CEP70: variants seen among roughly 807,000 people sequenced by gnomAD.
CEP70 encodes the protein centrosomal protein of 70 kDa.
In CEP70, 70 loss-of-function variants were observed where a neutral mutation model predicts 90.9. The observed-to-expected ratio is 0.77, with a 90% CI of 0.64 to 0.94. The LOEUF (loss-of-function observed/expected upper bound fraction) is 0.94, where lower values mean the gene tolerates loss of function less well. Ranked by LOEUF, CEP70 falls within the 40% of genes least tolerant of loss-of-function variation. The probability of loss-of-function intolerance (pLI) is 0.00; values close to 1 mark genes in which losing one functional copy is unlikely to be tolerated. For synonymous variants in CEP70, 220 were observed against 228.3 expected (o/e 0.96, Z 0.33); for missense variants, 648 against 669.0 (o/e 0.97, Z 0.35).
chr3:138,509,309 T>C (rs1297701101), intron 11 of CEP70, among the ~76,000 whole-genome samples: 2 of 152,168 alleles, frequency 1.3e-5, no homozygotes, highest in African/African-American at 2.4e-5. Context: ...CAGGAACAGC[T>C]AGACGTTTGG....
Position 138,529,282 on chromosome 3 carries a change from T to C in CEP70, c.786A>G (p.Leu262=), listed in dbSNP as rs770435751. 1 of 1,601,794 alleles carries C rather than the reference T, an allele frequency of 6.2e-7. No individual in the cohort carries two copies. The highest frequency in any genetic ancestry group is 8.5e-7 in the Non-Finnish European group (1 of 1,172,402). Reference sequence around the variant, plus strand: ...ATTTTGATTCCTTGAGTTGATTCTGTAATGACTGCAACACATTTCATAGAA... The same window carrying C: ...ATTTTGATTCCTTGAGTTGATTCTGCAATGACTGCAACACATTTCATAGAA... ...SPTYKGLLMS[L]QNQLKESKSK... Residue 262 remains leucine, a synonymous_variant, in exon 10 of 18, where the codon TTA becomes TTG. Transcript: ENST00000264982.
At chr3:138,549,372 G>T (rs2039454725) in intron 6 of CEP70, among the ~76,000 whole-genome samples, 1 of 151,830 alleles carries the variant, frequency 6.6e-6, no homozygotes, top group African/African-American at 2.4e-5. Flanking sequence ...GCGGGTAGTG[G>T]GCATGATGGG....
Position 138,559,088 on chromosome 3 carries a change from G to C in CEP70, c.465+11230C>G, listed in dbSNP as rs184504218. Among the ~76,000 whole-genome samples, 542 of 152,178 alleles carry C rather than the reference G, an allele frequency of 3.6e-3. 5 individuals carry two copies. Among genetic ancestry groups the C allele is most frequent in the African/African-American group, 0.012 (515 of 41,528 alleles). On this transcript the variant is annotated intron_variant, in intron 6 of 17. Coordinates refer to ENST00000264982, the MANE Select transcript of CEP70 (RefSeq NM_024491.4). The stretch of plus-strand genomic sequence containing the variant: ...TTAATATATTCAGAGACACAAAACA[G>C]ATAATTTCAGCAGAAAGCTGGAAAC...
intron 3 of CEP70, among the ~76,000 whole-genome samples, chr3:138,572,529 T>C (rs2041246550): frequency 6.6e-6 from 1 of 152,230 alleles, no homozygotes; most frequent in African/African-American, 2.4e-5. Context: ...TGTTTCCTGA[T>C]ACCTCTTACA....
At chr3:138,583,461 C>A (rs1457888445) in intron 2 of CEP70, among the ~76,000 whole-genome samples, 1 of 152,108 alleles carries the variant, frequency 6.6e-6, no homozygotes, top group Non-Finnish European at 1.5e-5. Context: ...ATGGACCTAA[C>A]AGATATTTAC....
chr3:138,580,621 A>G (rs559986225), intron 2 of CEP70, among the ~76,000 whole-genome samples: 1 of 152,180 alleles, frequency 6.6e-6, no homozygotes, highest in East Asian at 1.9e-4. Flanking sequence ...GACACCAACA[A>G]ACATCTACAA....
chr3:138,587,548 T>A (rs1361102014), intron 2 of CEP70, among the ~76,000 whole-genome samples: 1 of 149,108 alleles, frequency 6.7e-6, no homozygotes, highest in East Asian at 2.0e-4. Context: ...TCTGGGAGGC[T>A]GAGGCAGGAG....
rs180697755 is a variant in CEP70, at chr3:138,569,171, C to T, written c.465+1147G>A. 2.9e-3 allele frequency among the ~76,000 whole-genome samples: 440 copies of T among 152,260 alleles called. 4 individuals carry two copies. Among genetic ancestry groups the T allele is most frequent in the African/African-American group, 0.01 (424 of 41,544 alleles). ...AGCACCAACTGCCTCTGTCCTCATA[C>T]TAGAGCCCCCTAGTATCTCTGATTA... On this transcript the variant is annotated intron_variant, in intron 6 of 17. Coordinates refer to ENST00000264982, the MANE Select transcript of CEP70 (RefSeq NM_024491.4).
chr3:138,591,988 C>G (rs542884718), intron 1 of CEP70, 32 bp from the exon 2 acceptor site: 2 of 731,382 alleles, frequency 2.7e-6, no homozygotes, highest in Non-Finnish European at 4.3e-6. Flanking sequence ...AGAACAAAAT[C>G]TTGAAATGTT....
chr3:138,550,928 A>C (rs1385009294), intron 6 of CEP70, among the ~76,000 whole-genome samples: 1 of 152,236 alleles, frequency 6.6e-6, no homozygotes, highest in Non-Finnish European at 1.5e-5. Flanking sequence ...AGAGAAATCT[A>C]AAAGTTTGGA....
At chr3:138,587,470 A>G (rs895013433) in intron 2 of CEP70, among the ~76,000 whole-genome samples, 2 of 152,106 alleles carry the variant, frequency 1.3e-5, no homozygotes, top group Non-Finnish European at 2.9e-5. Context: ...CAAAAGATCT[A>G]TAAAAGACAA....
chr3:138,562,287 T>C lies in CEP70; in HGVS notation c.465+8031A>G, dbSNP rs190519786. ...CCAAGTTGGAAAACACTCTTTAGGATACTATCCAGTAGAACTTCCCTAACC... is the reference window on the plus strand; with the variant it reads ...CCAAGTTGGAAAACACTCTTTAGGACACTATCCAGTAGAACTTCCCTAACC... On this transcript the variant is annotated intron_variant, in intron 6 of 17. Transcript: ENST00000264982. Among the ~76,000 whole-genome samples, 204 of 152,300 alleles carry C rather than the reference T, an allele frequency of 1.3e-3. 2 individuals carry two copies. The highest frequency in any genetic ancestry group is 0.013 in the Admixed American group (204 of 15,288).
chr3:138,499,839 TCACACACACAC>T, intron 16 of CEP70: 2 of 315,778 alleles, frequency 6.3e-6, no homozygotes, highest in South Asian at 3.9e-5. Context: ...GTGCTTACAG[TCACACACACAC>T]ACAAAAGATG....
chr3:138,593,130 G>C (rs2042466385), intron 1 of CEP70: 1 of 152,242 alleles, frequency 6.6e-6, no homozygotes, highest in Admixed American at 6.5e-5. Context: ...AGGCGGGGCA[G>C]GGGAGGCCAG....
chr3:138,576,325 T>C (rs912024899), intron 2 of CEP70, among the ~76,000 whole-genome samples: 1 of 152,146 alleles, frequency 6.6e-6, no homozygotes, highest in Non-Finnish European at 1.5e-5. Flanking sequence ...AAACAGACTT[T>C]AAACCAGCAA....
chr3:138,538,127 A>T (rs560747340), intron 6 of CEP70, among the ~76,000 whole-genome samples: 1 of 152,326 alleles, frequency 6.6e-6, no homozygotes, highest in South Asian at 2.1e-4. Flanking sequence ...TTGCAGGAGA[A>T]CTGTTCCTGC....
intron 16 of CEP70, among the ~76,000 whole-genome samples, chr3:138,499,195 A>G (rs995354302): frequency 2.6e-5 from 4 of 152,208 alleles, no homozygotes; most frequent in Admixed American, 2.0e-4. Flanking sequence ...CTTGCAAAAC[A>G]TATGGTTTAT....
At chr3:138,497,024 C>G (rs1048077310) in intron 17 of CEP70, 37 of 997,132 alleles carry the variant, frequency 3.7e-5, no homozygotes, top group Non-Finnish European at 4.4e-5. Flanking sequence ...AAACCAGGCT[C>G]TTCAGGATAT....
intron 6 of CEP70, among the ~76,000 whole-genome samples, chr3:138,544,683 A>G (rs1219217473): frequency 6.6e-6 from 1 of 152,200 alleles, no homozygotes; most frequent in Non-Finnish European, 1.5e-5. Flanking sequence ...ATGACTGGAA[A>G]AAGAAAATGT....
Sources: gnomAD v4.1 joint callset for allele counts (sites outside exome capture counted in the v4.1 genomes callset) on GRCh38, gnomAD v4.1.1 for gene constraint, MANE v1.5 for transcripts, NCBI Gene and HGNC (gene_info 2026-07-23, HGNC 2026-07-21) for gene names.